Variants in TERB2 observed in about 807,000 individuals in gnomAD.
TERB2 encodes telomere repeat binding bouquet formation protein 2.
A neutral mutation model predicts 29.8 loss-of-function variants in TERB2; 26 were observed. The observed-to-expected ratio is 0.87, with a 90% CI of 0.64 to 1.21. The LOEUF (loss-of-function observed/expected upper bound fraction) is 1.21, where lower values mean the gene tolerates loss of function less well. Among genes scored for constraint, TERB2 ranks in the 50% most tolerant of loss-of-function variants. The pLI is 0.00. For missense variants in TERB2, 240 were observed against 268.6 expected, an observed-to-expected ratio of 0.89 and a Z score of 0.74; for synonymous variants, 80 against 90.8, an observed-to-expected ratio of 0.88 and a Z score of 0.68.
At chr15:44,976,166 G>C (rs2141245656) in intron 6 of TERB2, 1 of 152,376 alleles carries the variant, frequency 6.6e-6, no homozygotes, top group East Asian at 1.9e-4. Flanking sequence ...AAAGTGCTGG[G>C]ATTCCAGGTA....
Position 44,973,887 on chromosome 15 carries a change from G to A in TERB2, c.455G>A (p.Arg152Lys). 6.3e-7 allele frequency: 1 copy of A among 1,596,538 alleles called. No individual in the cohort carries two copies. Among genetic ancestry groups the A allele is most frequent in the Non-Finnish European group, 8.5e-7 (1 of 1,170,262 alleles). Residue 152 changes from arginine (R) to lysine (K), a missense_variant, in exon 6 of 7, where the codon AGA (arginine) becomes AAA (lysine). Arg to Lys is a conservative substitution (Grantham distance 26). Coordinates refer to ENST00000340827, the MANE Select transcript of TERB2 (RefSeq NM_152448.3). ...TACAGCCCAGAAAAGCATTTTATAA[G>A]AACTCCAGTTGTAGAAAAGCAGATG... ...LSKSPEKHFI[R>K]TPVVEKQMYF...
intron 5 of TERB2, chr15:44,971,237 C>T (rs1341024236): frequency 1.3e-5 from 2 of 152,392 alleles, no homozygotes; most frequent in East Asian, 3.8e-4. Flanking sequence ...CAGCCAAAAA[C>T]AGATCGGGTT....
At chr15:44,960,334 C>T (rs1382011241) in intron 3 of TERB2, among the ~76,000 whole-genome samples, 1 of 151,990 alleles carries the variant, frequency 6.6e-6, no homozygotes, top group Non-Finnish European at 1.5e-5. Context: ...TTTCTAGTAG[C>T]CACATTACTA....
chr15:44,978,834 A>G lies in TERB2; in HGVS notation c.*206A>G. On this transcript the variant is annotated 3_prime_UTR_variant, in exon 7 of 7. Coordinates refer to ENST00000340827, the MANE Select transcript of TERB2 (RefSeq NM_152448.3). Reference sequence around the variant, plus strand: ...CCCTAGCTTTTAACAACATGTTCAAATATTCTCAATGCACAGTTGTTAATG... The same window carrying G: ...CCCTAGCTTTTAACAACATGTTCAAGTATTCTCAATGCACAGTTGTTAATG... The G allele has an allele frequency of 1.9e-6, 1 of 516,876 alleles. No individual in the cohort carries two copies. 32.0% of individuals were successfully genotyped at this position (516,876 alleles called of 1,614,324 possible). A position where few individuals can be genotyped will look rare whatever the true frequency, so the allele number is the denominator to read the frequency against.
At chr15:44,961,480 A>T (rs1234024682) in intron 3 of TERB2, 43 bp from the exon 4 acceptor site, 14 of 1,470,982 alleles carry the variant, frequency 9.5e-6, no homozygotes, top group African/African-American at 1.4e-5. Context: ...GATTCTTAAA[A>T]AAAAAAACCA....
At chr15:44,958,678 T>C (rs1891759563) in intron 3 of TERB2, among the ~76,000 whole-genome samples, 166 bp downstream of exon 3, 1 of 152,232 alleles carries the variant, frequency 6.6e-6, no homozygotes, top group Admixed American at 6.5e-5. Context: ...TCAGATTGCC[T>C]TGGGTGTATA....
At position 44,957,846 on chromosome 15, in the gene TERB2, G is replaced by A. The variant is rs148907401; in HGVS notation, c.147-527G>A. On this transcript the variant is annotated intron_variant, in intron 2 of 6. Transcript: ENST00000340827. ...TGCTGATTTCCTACAGATTTAGATCGTGGCTGTGCCTGCCTTGTTTATTTC... is the reference window on the plus strand; with the variant it reads ...TGCTGATTTCCTACAGATTTAGATCATGGCTGTGCCTGCCTTGTTTATTTC... Among the ~76,000 whole-genome samples, 517 of 136,960 alleles carry A rather than the reference G, an allele frequency of 3.8e-3. 5 individuals carry two copies. Among genetic ancestry groups the A allele is most frequent in the African/African-American group, 0.014 (490 of 35,808 alleles). 89.9% of individuals were successfully genotyped at this position (136,960 alleles called of 152,430 possible). A position where few individuals can be genotyped will look rare whatever the true frequency, so the allele number is the denominator to read the frequency against.
At position 44,979,229 on chromosome 15, in the gene TERB2, A is replaced by G. The variant is rs893704144; in HGVS notation, c.*601A>G. ...ATATCTCAAAAGTGACTTAACATAAACAGACTATGAGTGTTATGTCTTGTT... is the reference window on the plus strand; with the variant it reads ...ATATCTCAAAAGTGACTTAACATAAGCAGACTATGAGTGTTATGTCTTGTT... On this transcript the variant is annotated 3_prime_UTR_variant, in exon 7 of 7. Transcript: ENST00000340827. 2.6e-5 allele frequency: 4 copies of G among 152,256 alleles called. No individual in the cohort carries two copies. Among genetic ancestry groups the G allele is most frequent in the Admixed American group, 2.0e-4 (3 of 15,290 alleles). 9.4% of individuals were successfully genotyped at this position (152,256 alleles called of 1,614,324 possible).
At chr15:44,977,549 T>C (rs1302550614) in intron 6 of TERB2, among the ~76,000 whole-genome samples, 1 of 152,102 alleles carries the variant, frequency 6.6e-6, no homozygotes, top group Non-Finnish European at 1.5e-5. Flanking sequence ...TCATAGAGTA[T>C]AGTAATAGTG....
chr15:44,978,103 G>T (rs1294831054), intron 6 of TERB2, among the ~76,000 whole-genome samples: 3 of 152,222 alleles, frequency 2.0e-5, no homozygotes, highest in African/African-American at 7.2e-5. Context: ...CAGGGAAGAT[G>T]AACTGTTTGC....
chr15:44,967,343 G>A (rs1376825907), intron 5 of TERB2, among the ~76,000 whole-genome samples: 2 of 152,206 alleles, frequency 1.3e-5, no homozygotes, highest in Non-Finnish European at 2.9e-5. Flanking sequence ...TCCCCACAAC[G>A]GAGTGCCCCA....
intron 2 of TERB2, among the ~76,000 whole-genome samples, chr15:44,957,810 C>T (rs1891742368): frequency 1.3e-5 from 2 of 151,294 alleles, no homozygotes; most frequent in Admixed American, 1.3e-4. Context: ...CTCCCGCCCC[C>T]ACCCCCAAGC....
intron 5 of TERB2, among the ~76,000 whole-genome samples, chr15:44,968,887 A>C (rs952894641): frequency 2.6e-5 from 4 of 151,938 alleles, no homozygotes; most frequent in African/African-American, 9.7e-5. Flanking sequence ...TATAAAGAGG[A>C]GTTTTTTTTC....
chr15:44,956,875 C>G (rs756344839), intron 1 of TERB2, 21 bp from the exon 2 acceptor site: 4 of 1,613,572 alleles, frequency 2.5e-6, no homozygotes, highest in South Asian at 1.1e-5. Flanking sequence ...ATAGGTTCAC[C>G]CTGTGCTCTT....
At chr15:44,958,299 T>G in intron 2 of TERB2, 74 bp from the exon 3 acceptor site, 1 of 1,479,904 alleles carries the variant, frequency 6.8e-7, no homozygotes, top group South Asian at 1.3e-5. Flanking sequence ...TCCAGTGATT[T>G]ATTTATTCTT....
intron 2 of TERB2, 47 bp from the exon 3 acceptor site, chr15:44,958,326 A>G (rs1174947866): frequency 1.0e-5 from 16 of 1,549,342 alleles, no homozygotes; most frequent in Admixed American, 4.0e-5. Context: ...GGTTAAATAC[A>G]TTCTTGTTTC....
chr15:44,970,818 C>T (rs992363886), intron 5 of TERB2: 1 of 155,552 alleles, frequency 6.4e-6, no homozygotes, highest in Admixed American at 6.5e-5. Flanking sequence ...TTATTCAATA[C>T]TTTTAAAGAT....
At chr15:44,967,187 C>A (rs771228996) in intron 5 of TERB2, among the ~76,000 whole-genome samples, 22 of 152,232 alleles carry the variant, frequency 1.4e-4, no homozygotes, top group Admixed American at 1.3e-4. Flanking sequence ...CTTCTCATTG[C>A]AGGCTTATAC....
At chr15:44,964,904 G>A (rs1242485843) in intron 4 of TERB2, among the ~76,000 whole-genome samples, 1 of 151,996 alleles carries the variant, frequency 6.6e-6, no homozygotes, top group Non-Finnish European at 1.5e-5. Context: ...GGTCGCGCCT[G>A]TAATCCTGGC....
Sources: gnomAD v4.1 joint callset for allele counts (sites outside exome capture counted in the v4.1 genomes callset) on GRCh38, gnomAD v4.1.1 for gene constraint, MANE v1.5 for transcripts, NCBI Gene and HGNC (gene_info 2026-07-23, HGNC 2026-07-21) for gene names.